The following OSBPL10 variants were observed in gnomAD, a reference collection of about 807,000 sequenced individuals.
The protein encoded by OSBPL10 is oxysterol binding protein like 10, also known as oxysterol-binding protein-related protein 10.
Under a neutral mutation model 81.7 loss-of-function variants are expected in OSBPL10, and 49 were observed. The ratio of observed to expected loss-of-function variants is 0.60; its 90% confidence interval spans 0.48 to 0.76. OSBPL10 has a LOEUF of 0.76. Among genes scored for constraint, OSBPL10 ranks in the 30% least tolerant of loss-of-function variants. The pLI, the probability that OSBPL10 is intolerant of heterozygous loss-of-function variation, is 0.00. For missense variants in OSBPL10, 923 were observed against 987.8 expected (o/e 0.93, Z 0.88); for synonymous variants, 419 against 383.6 (o/e 1.09, Z -1.08).
At chr3:31,713,376 C>A (rs1317792480) in intron 6 of OSBPL10, among the ~76,000 whole-genome samples, 1 of 151,972 alleles carries the variant, frequency 6.6e-6, no homozygotes, top group Non-Finnish European at 1.5e-5. Flanking sequence ...TCACTCAGAT[C>A]TTTTTTTAAT....
intron 4 of OSBPL10, among the ~76,000 whole-genome samples, chr3:31,768,409 T>C (rs1007037875): frequency 6.6e-6 from 1 of 152,208 alleles, no homozygotes; most frequent in Non-Finnish European, 1.5e-5. Flanking sequence ...TCTCCTTCAG[T>C]TCAGAAAATA....
chr3:31,972,376 G>C (rs542303957), intron 1 of OSBPL10, among the ~76,000 whole-genome samples: 1 of 152,262 alleles, frequency 6.6e-6, no homozygotes, highest in East Asian at 1.9e-4. Flanking sequence ...GTGACACAGC[G>C]AGACTCTGTC....
intron 1 of OSBPL10, among the ~76,000 whole-genome samples, chr3:32,056,461 A>G (rs886264399): frequency 6.6e-6 from 1 of 152,200 alleles, no homozygotes; most frequent in African/African-American, 2.4e-5. Flanking sequence ...TGTGGAGTAT[A>G]TTGCTGTTGT....
At chr3:31,885,105 A>T (rs1695696579) in intron 1 of OSBPL10, among the ~76,000 whole-genome samples, 1 of 152,172 alleles carries the variant, frequency 6.6e-6, no homozygotes, top group African/African-American at 2.4e-5. Flanking sequence ...GCCATTGCCT[A>T]CTAACATCCT....
At position 31,883,162 on chromosome 3, in the gene OSBPL10, C is replaced by T. The variant is rs143181522; in HGVS notation, c.282-3332G>A. On this transcript the variant is annotated intron_variant, in intron 1 of 11. Coordinates refer to ENST00000396556, the MANE Select transcript of OSBPL10 (RefSeq NM_017784.5). ...AAGGAGACTAGGTAGGCTCACACTA[C>T]AGCACGTTGTGCCATGTGTGCCCCC... 4.7e-3 allele frequency among the ~76,000 whole-genome samples: 711 copies of T among 152,028 alleles called. 5 individuals carry two copies. The highest frequency in any genetic ancestry group is 0.016 in the African/African-American group (670 of 41,476).
chr3:31,989,168 C>G, intron 2 of OSBPL10: 6 of 1,614,104 alleles, frequency 3.7e-6, no homozygotes, highest in Non-Finnish European at 5.1e-6. Context: ...AGGGATGTGG[C>G]TATAGAATTC....
chr3:31,818,879 CA>C (rs1699915244), intron 4 of OSBPL10, among the ~76,000 whole-genome samples: 1 of 152,202 alleles, frequency 6.6e-6, no homozygotes, highest in South Asian at 2.1e-4. Context: ...GGCCTCCCCC[CA>C]CTCCACCACC....
chr3:31,803,147 C>G (rs572557342), intron 4 of OSBPL10, among the ~76,000 whole-genome samples: 7 of 152,008 alleles, frequency 4.6e-5, no homozygotes, highest in Non-Finnish European at 1.0e-4. Flanking sequence ...GTGACCTTTT[C>G]AAAAGAAGAA....
At chr3:31,867,282 G>T (rs991857383) in intron 3 of OSBPL10, among the ~76,000 whole-genome samples, 1 of 152,264 alleles carries the variant, frequency 6.6e-6, no homozygotes, top group South Asian at 2.1e-4. Context: ...CTAATGCGAT[G>T]AGTATCATAA....
intron 1 of OSBPL10, among the ~76,000 whole-genome samples, chr3:31,967,455 G>A (rs1204828957): frequency 1.3e-5 from 2 of 151,446 alleles, no homozygotes; most frequent in Non-Finnish European, 2.9e-5. Context: ...ACTCCAGCGT[G>A]GACAACAGAG....
intron 6 of OSBPL10, among the ~76,000 whole-genome samples, chr3:31,723,117 T>C (rs561170169): frequency 1.1e-4 from 16 of 152,306 alleles, no homozygotes; most frequent in African/African-American, 3.9e-4. Context: ...AGTAATGTGG[T>C]CATTTAATGG....
chr3:31,782,876 T>C (rs1349032043), intron 4 of OSBPL10, among the ~76,000 whole-genome samples: 2 of 152,110 alleles, frequency 1.3e-5, no homozygotes, highest in Non-Finnish European at 2.9e-5. Context: ...GAAAACAGTA[T>C]GGACATTCCT....
chr3:31,744,199 A>G lies in OSBPL10; in HGVS notation c.940+3711T>C, dbSNP rs78531733. Among the ~76,000 whole-genome samples, 441 of 152,304 alleles carry G rather than the reference A, an allele frequency of 2.9e-3. 4 individuals carry two copies. The highest frequency in any genetic ancestry group is 1.0e-2 in the African/African-American group (415 of 41,572). On this transcript the variant is annotated intron_variant, in intron 5 of 11. Transcript: ENST00000396556. ...TAGTGATCGTGATGCTTCATGCTCT[A>G]TTCTCCAACTTTCAGCTAAGTTTCT...
rs914286379 is a variant in OSBPL10 at position 31,708,867 on chromosome 3, G to A, written c.1096-6359C>T. ...TTCCACTTTGGTCAGAAGTCATGCC[G>A]AAGACAGAAGCTGTGGACACATGCC... On this transcript the variant is annotated intron_variant, in intron 6 of 11. Coordinates refer to ENST00000396556, the MANE Select transcript of OSBPL10 (RefSeq NM_017784.5). 2.1e-5 allele frequency: 21 copies of A among 985,286 alleles called. No individual in the cohort carries two copies. In the Admixed American group the frequency reaches 8.6e-4, roughly 40 times the overall value. 61.0% of individuals were successfully genotyped at this position (985,286 alleles called of 1,614,324 possible). A position where few individuals can be genotyped will look rare whatever the true frequency, so the allele number is the denominator to read the frequency against.
At chr3:31,862,339 AAG>A (rs972820008) in intron 3 of OSBPL10, among the ~76,000 whole-genome samples, 5 of 152,190 alleles carry the variant, frequency 3.3e-5, no homozygotes, top group African/African-American at 1.2e-4. Flanking sequence ...CAAACTTGGA[AAG>A]ACCGAAGCCT....
At chr3:31,975,390 C>CA (rs1252893060) in intron 1 of OSBPL10, among the ~76,000 whole-genome samples, 3 of 151,954 alleles carry the variant, frequency 2.0e-5, no homozygotes, top group Non-Finnish European at 2.9e-5. Flanking sequence ...TTGGGATACT[C>CA]AAAAAAACAC....
Position 31,797,924 on chromosome 3 carries a change from A to C in OSBPL10, c.729+32116T>G, listed in dbSNP as rs548402136. ...GCACTCTCAACCTGGAACCCACTAC[A>C]TTTACAGTCCCTGTTGTTAACTGAA... is the stretch of plus-strand genomic sequence containing the variant. On this transcript the variant is annotated intron_variant, in intron 4 of 11. Transcript: ENST00000396556. The C allele has an allele frequency of 1.7e-4, 64 of 383,708 alleles. 1 individual carries two copies. The highest frequency in any genetic ancestry group is 1.1e-3 in the South Asian group (61 of 53,422). 23.8% of individuals were successfully genotyped at this position (383,708 alleles called of 1,614,324 possible). A position where few individuals can be genotyped will look rare whatever the true frequency, so the allele number is the denominator to read the frequency against.
intron 4 of OSBPL10, among the ~76,000 whole-genome samples, chr3:31,767,509 A>C (rs1041267645): frequency 9.9e-5 from 15 of 152,162 alleles, no homozygotes; most frequent in African/African-American, 3.6e-4. Context: ...TCATGGTCAA[A>C]GTCCTACCAG....
chr3:31,902,257 T>C (rs1696264814), intron 1 of OSBPL10, among the ~76,000 whole-genome samples: 1 of 109,836 alleles, frequency 9.1e-6, no homozygotes, highest in Non-Finnish European at 1.9e-5. Context: ...TTCTTGTCAG[T>C]ATTTTTTTTT....
Sources: gnomAD v4.1 joint callset for allele counts (sites outside exome capture counted in the v4.1 genomes callset) on GRCh38, gnomAD v4.1.1 for gene constraint, MANE v1.5 for transcripts, NCBI Gene and HGNC (gene_info 2026-07-23, HGNC 2026-07-21) for gene names.